The following CETP variants were observed in gnomAD, a reference collection of about 807,000 sequenced individuals.
CETP encodes cholesteryl ester transfer protein.
CETP carries 56 observed loss-of-function variants against 66.5 expected under a neutral mutation model. The ratio of observed to expected loss-of-function variants is 0.84; its 90% CI spans 0.68 to 1.05. The LOEUF is 1.05. CETP is among the 50% of genes least tolerant of loss of function. The probability of loss-of-function intolerance (pLI) is 0.00; values close to 1 mark genes in which losing one functional copy is unlikely to be tolerated. For missense variants in CETP, 612 were observed against 609.6 expected (o/e 1.00, Z -0.04); for synonymous variants, 251 against 245.7 (o/e 1.02, Z -0.20).
intron 15 of CETP, 23 bp from the exon 16 acceptor site, chr16:56,983,569 T>TCTCCTACTGCCCCTCC: frequency 6.2e-7 from 1 of 1,613,980 alleles, no homozygotes; most frequent in Non-Finnish European, 8.5e-7. Context: ...CTCGCCCCTC[T>TCTCCTACTGCCCCTCC]CTCCTACTGC....
intron 1 of CETP, chr16:56,962,346 T>G: frequency 1.4e-6 from 1 of 706,118 alleles, no homozygotes; most frequent in Non-Finnish European, 2.6e-6. Context: ...GGGATTTGTG[T>G]TTGTCTGAGA....
intron 2 of CETP, among the ~76,000 whole-genome samples, chr16:56,965,487 T>G (rs1385580063): frequency 6.6e-6 from 1 of 152,190 alleles, no homozygotes. Context: ...ATATGGGATT[T>G]GGAGTGGGAT....
chr16:56,966,663 G>A (rs562749896), intron 2 of CETP, among the ~76,000 whole-genome samples: 5 of 152,000 alleles, frequency 3.3e-5, no homozygotes, highest in East Asian at 3.9e-4. Context: ...GCAATGGCAC[G>A]ATCTCGACTC....
chr16:56,978,240 T>C lies in CETP; in HGVS notation c.1131T>C (p.Ala377=), dbSNP rs2056164136. 6.2e-7 allele frequency: 1 copy of C among 1,614,060 alleles called. No individual in the cohort carries two copies. The highest frequency in any genetic ancestry group is 1.3e-5 in the African/African-American group (1 of 74,910). ...GCCCAGACCAGCAACATTCTGTAGCTTACACATTTGAAGAGGTGAGGCGGG... is the reference window on the plus strand; with the variant it reads ...GCCCAGACCAGCAACATTCTGTAGCCTACACATTTGAAGAGGTGAGGCGGG... ...FPRPDQQHSV[A]YTFEEDIVTT... The change falls in exon 11 of 16, where the codon GCT becomes GCC. Residue 377 remains alanine, a synonymous_variant. Coordinates refer to ENST00000200676, the MANE Select transcript of CETP (RefSeq NM_000078.3).
chr16:56,979,288 A>G (rs1004909814), intron 11 of CETP, among the ~76,000 whole-genome samples: 3 of 152,302 alleles, frequency 2.0e-5, no homozygotes, highest in East Asian at 1.9e-4. Context: ...GAACACCCCA[A>G]TAGGGTGTGG....
intron 1 of CETP, among the ~76,000 whole-genome samples, 162 bp from the exon 2 acceptor site, chr16:56,962,848 T>C (rs1378090465): frequency 6.6e-6 from 1 of 152,126 alleles, no homozygotes; most frequent in Non-Finnish European, 1.5e-5. Flanking sequence ...AGAATTGCCA[T>C]CAACCTTAAA....
intron 11 of CETP, 71 bp downstream of exon 11, chr16:56,978,326 C>T (rs2056165081): frequency 2.5e-6 from 4 of 1,591,198 alleles, no homozygotes; most frequent in Non-Finnish European, 3.4e-6. Flanking sequence ...GGGCAGGGGC[C>T]TGGGGGTCTC....
chr16:56,969,700 C>T lies in CETP; in HGVS notation c.439+19C>T. On this transcript the variant is annotated intron_variant, in intron 4 of 15. Transcript: ENST00000200676. Reference sequence around the variant, plus strand: ...CAGCTGAGTATGTGTCAAGCGTCCTCTGGGGAAGTGGGAGCTGGACTCCAG... The same window carrying T: ...CAGCTGAGTATGTGTCAAGCGTCCTTTGGGGAAGTGGGAGCTGGACTCCAG... The T allele has an allele frequency of 4.3e-6, 7 of 1,613,132 alleles. No homozygotes were observed. The highest frequency in any genetic ancestry group is 1.1e-5 in the South Asian group (1 of 91,072).
At chr16:56,978,928 C>T (rs768272964) in intron 11 of CETP, among the ~76,000 whole-genome samples, 8 of 152,206 alleles carry the variant, frequency 5.3e-5, no homozygotes, top group Non-Finnish European at 1.0e-4. Context: ...CAGGTTCCAG[C>T]GATTCTCATG....
At chr16:56,967,014 G>T (rs573245164) in intron 2 of CETP, among the ~76,000 whole-genome samples, 1 of 152,180 alleles carries the variant, frequency 6.6e-6, no homozygotes, top group East Asian at 1.9e-4. Flanking sequence ...TAGTGTATTA[G>T]GAGCTTACGC....
In CETP at chr16:56,978,161, A is replaced by C; in HGVS notation, c.1052A>C (p.Gln351Pro). The C allele has an allele frequency of 6.2e-7, 1 of 1,614,268 alleles. No individual in the cohort carries two copies. Among genetic ancestry groups the C allele is most frequent in the African/African-American group, 1.3e-5 (1 of 75,058 alleles). Reference protein sequence around the residue: ...HCLKMPKISCQNKGVVVNSSV... With the variant: ...HCLKMPKISCPNKGVVVNSSV... ...CTCAAGATGCCCAAGATCTCCTGCC[A>C]AAACAAGGGAGTCGTGGTCAATTCT... Residue 351 changes from glutamine (Q) to proline (P), a missense_variant, in exon 11 of 16, where the codon CAA becomes CCA. Transcript: ENST00000200676.
In CETP at chr16:56,973,508, AAGGTG is replaced by A. The variant is rs1382641985; in HGVS notation, c.930+1_930+5del. ...GCTCAGCCTGATGGGAGACGAGTTC[AAGGTG>A]AGTGGGTGGGGCTGGGCTGCTAGGG... On this transcript the variant is annotated splice_donor_variant and splice_donor_region_variant and coding_sequence_variant and intron_variant, in exon 9 of 16. Coordinates refer to ENST00000200676, the MANE Select transcript of CETP (RefSeq NM_000078.3). LOFTEE classifies it high-confidence loss of function. 1 of 1,614,018 alleles carries A rather than the reference AAGGTG, an allele frequency of 6.2e-7. No individual in the cohort carries two copies. The highest frequency in any genetic ancestry group is 2.2e-5 in the East Asian group (1 of 44,902).
At chr16:56,972,328 C>T (rs1478888416) in intron 8 of CETP, among the ~76,000 whole-genome samples, 1 of 152,204 alleles carries the variant, frequency 6.6e-6, no homozygotes, top group Non-Finnish European at 1.5e-5. Flanking sequence ...CAGCAAAGCA[C>T]CAGCTCCTTC....
Position 56,978,267 on chromosome 16 carries a change from G to A in CETP, c.1146+12G>A, listed in dbSNP as rs567209940. The A allele has an allele frequency of 1.2e-6, 2 of 1,614,050 alleles. No homozygotes were observed. The highest frequency in any genetic ancestry group is 2.7e-5 in the African/African-American group (2 of 75,002). ...ACACATTTGAAGAGGTGAGGCGGGT[G>A]CAGGGAGAGGTGGTGGTGGGGGAAC... On this transcript the variant is annotated intron_variant, in intron 11 of 15. Coordinates refer to ENST00000200676, the MANE Select transcript of CETP (RefSeq NM_000078.3).
At chr16:56,964,057 C>T (rs1338170748) in intron 2 of CETP, among the ~76,000 whole-genome samples, 1 of 150,802 alleles carries the variant, frequency 6.6e-6, no homozygotes, top group Non-Finnish European at 1.5e-5. Context: ...GATGGAGTCT[C>T]TCACTGTCAC....
In CETP at chr16:56,983,787, T is replaced by A. The variant is rs1201572613; in HGVS notation, c.*121T>A. ...GGGTTAGGAGTACGGAGATGGAGAT[T>A]GGCTCCCAACTCCTCCCTATCCTAA... is the stretch of plus-strand genomic sequence containing the variant. On this transcript the variant is annotated 3_prime_UTR_variant, in exon 16 of 16. Transcript: ENST00000200676. 8.6e-6 allele frequency: 8 copies of A among 930,180 alleles called. No homozygotes were observed. Among genetic ancestry groups the A allele is most frequent in the African/African-American group, 1.6e-5 (1 of 61,796 alleles). 57.6% of individuals were successfully genotyped at this position (930,180 alleles called of 1,614,324 possible).
chr16:56,983,423 G>GC lies in CETP; in HGVS notation c.1407+18dup, dbSNP rs1211400454. On this transcript the variant is annotated intron_variant, in intron 15 of 15. Coordinates refer to ENST00000200676, the MANE Select transcript of CETP (RefSeq NM_000078.3). ...TTATCACTCGAGATGTGAGTACAAA[G>GC]CCCCCCTCACCAGCCCCTGTTCCTG... 3.1e-6 allele frequency: 5 copies of GC among 1,613,776 alleles called. No homozygotes were observed. The highest frequency in any genetic ancestry group is 3.4e-6 in the Non-Finnish European group (4 of 1,179,656).
chr16:56,973,717 G>A (rs1348243822), intron 9 of CETP, among the ~76,000 whole-genome samples: 1 of 152,226 alleles, frequency 6.6e-6, no homozygotes, highest in African/African-American at 2.4e-5. Flanking sequence ...GTAGCAGGAC[G>A]AACCGCAGAC....
At position 56,978,095 on chromosome 16, in the gene CETP, T is replaced by C. The variant is rs771660841; in HGVS notation, c.986T>C (p.Val329Ala). ...NTNQEIFQEV[V>A]GGFPSQAQVT... ...TGGGACCCCTGTCTTCCACAGGTTGTCGGCGGCTTCCCCAGCCAGGCCCAA... is the reference window on the plus strand; with the variant it reads ...TGGGACCCCTGTCTTCCACAGGTTGCCGGCGGCTTCCCCAGCCAGGCCCAA... The change falls in exon 11 of 16, where the codon GTC (valine) becomes GCC (alanine). Residue 329 changes from valine to alanine, a missense_variant. Physicochemically the swap from Val to Ala is moderately conservative, Grantham distance 64. Transcript: ENST00000200676. 2 of 1,614,130 alleles carry C rather than the reference T, an allele frequency of 1.2e-6. No individual in the cohort carries two copies. Among genetic ancestry groups the C allele is most frequent in the Admixed American group, 3.3e-5 (2 of 60,020 alleles).
Sources: gnomAD v4.1 joint callset for allele counts (sites outside exome capture counted in the v4.1 genomes callset) on GRCh38, gnomAD v4.1.1 for gene constraint, MANE v1.5 for transcripts, NCBI Gene and HGNC (gene_info 2026-07-23, HGNC 2026-07-21) for gene names.